Variants in NR5A2 observed in about 807,000 individuals in gnomAD.
NR5A2 encodes nuclear receptor subfamily 5 group A member 2.
NR5A2 carries 26 observed loss-of-function variants against 62.7 expected under a neutral mutation model. The observed-to-expected ratio is 0.41, with a 90% CI of 0.30 to 0.58. The LOEUF (loss-of-function observed/expected upper bound fraction) is 0.58. Among genes scored for constraint, NR5A2 ranks in the 20% least tolerant of loss-of-function variants. The pLI is 0.22. For synonymous variants in NR5A2, 246 were observed against 241.7 expected (o/e 1.02, Z -0.16); for missense variants, 541 against 669.1 (o/e 0.81, Z 2.11).
chr1:200,103,004 A>G (rs1665457755), intron 5 of NR5A2, among the ~76,000 whole-genome samples: 2 of 152,014 alleles, frequency 1.3e-5, no homozygotes, highest in African/African-American at 2.4e-5. Context: ...GCTGTGTGAC[A>G]TTTGGAAAGT....
chr1:200,045,842 T>A (rs1046455034), intron 4 of NR5A2, among the ~76,000 whole-genome samples: 3 of 152,082 alleles, frequency 2.0e-5, no homozygotes, highest in African/African-American at 7.2e-5. Context: ...GGGGAGCAGA[T>A]GCATTAGACA....
At chr1:200,133,466 AGTCAAGC>A (rs1342098957) in intron 7 of NR5A2, among the ~76,000 whole-genome samples, 1 of 150,194 alleles carries the variant, frequency 6.7e-6, no homozygotes. Flanking sequence ...TTGGTTATAC[AGTCAAGC>A]GTTATATAAT....
At chr1:200,060,386 A>G (rs1663147625) in intron 5 of NR5A2, among the ~76,000 whole-genome samples, 1 of 152,136 alleles carries the variant, frequency 6.6e-6, no homozygotes, top group South Asian at 2.1e-4. Context: ...GCAGTTAATG[A>G]TAATAGGATT....
At chr1:200,168,227 T>A (rs1654001058) in intron 7 of NR5A2, among the ~76,000 whole-genome samples, 1 of 151,076 alleles carries the variant, frequency 6.6e-6, no homozygotes, top group Non-Finnish European at 1.5e-5. Flanking sequence ...TTTTTTTTTT[T>A]AAGAGACAGG....
At chr1:200,143,890 T>G (rs1345920447) in intron 7 of NR5A2, among the ~76,000 whole-genome samples, 1 of 151,870 alleles carries the variant, frequency 6.6e-6, no homozygotes, top group African/African-American at 2.4e-5. Context: ...CCACCCACCT[T>G]GGCCTCCCAA....
In NR5A2 at chr1:200,157,271, A is replaced by G. The variant is rs185706176; in HGVS notation, c.1379-16692A>G. 2.7e-3 allele frequency among the ~76,000 whole-genome samples: 405 copies of G among 152,356 alleles called. 1 individual carries two copies. Among genetic ancestry groups the G allele is most frequent in the Non-Finnish European group, 4.4e-3 (296 of 68,030 alleles). On this transcript the variant is annotated intron_variant, in intron 7 of 7. Coordinates refer to ENST00000367362, the MANE Select transcript of NR5A2 (RefSeq NM_205860.3). ...GATTTAAAATCACTTCAATGCAAGT[A>G]TCAATAATTCTGCTAAATAATCAGG...
intron 6 of NR5A2, 104 bp from the exon 7 acceptor site, chr1:200,120,704 A>T (rs1268129599): frequency 5.0e-6 from 6 of 1,206,316 alleles, no homozygotes; most frequent in Non-Finnish European, 6.8e-6. Context: ...ATTCTATTTT[A>T]AAAACCTGTA....
intron 7 of NR5A2, among the ~76,000 whole-genome samples, chr1:200,162,256 A>T (rs1653677204): frequency 6.6e-6 from 1 of 152,216 alleles, no homozygotes; most frequent in Admixed American, 6.5e-5. Flanking sequence ...GGGCAAATAG[A>T]GTGTGCTGTA....
At chr1:200,105,542 C>G (rs1306130873) in intron 5 of NR5A2, among the ~76,000 whole-genome samples, 1 of 152,184 alleles carries the variant, frequency 6.6e-6, no homozygotes, top group Non-Finnish European at 1.5e-5. Flanking sequence ...CCTCAAGTTT[C>G]TAACACAAGA....
At chr1:200,068,452 G>C (rs924886958) in intron 5 of NR5A2, among the ~76,000 whole-genome samples, 18 of 151,962 alleles carry the variant, frequency 1.2e-4, no homozygotes, top group African/African-American at 4.3e-4. Flanking sequence ...CTAGTCATTT[G>C]GAAAAAAAAA....
chr1:200,090,781 G>C (rs566240597), intron 5 of NR5A2, among the ~76,000 whole-genome samples: 3 of 152,262 alleles, frequency 2.0e-5, no homozygotes, highest in African/African-American at 7.2e-5. Flanking sequence ...GGGCCAGTTT[G>C]AGGACAGCAC....
chr1:200,045,726 C>G lies in NR5A2; in HGVS notation c.463+142C>G, dbSNP rs540071203. Reference sequence around the variant, plus strand: ...AATACTGTAAGATCTTTCTATGTTTCATCTGCAGAATAGTCTGAGTCTCAT... The same window carrying G: ...AATACTGTAAGATCTTTCTATGTTTGATCTGCAGAATAGTCTGAGTCTCAT... On this transcript the variant is annotated intron_variant, in intron 4 of 7. Transcript: ENST00000367362. The G allele has an allele frequency of 6.6e-6, 4 of 610,646 alleles. No individual in the cohort carries two copies. The African/African-American group carries it at 7.7e-5, about 12-fold the overall frequency. The allele number at this position is 610,646 out of a possible 1,614,324, so 37.8% of individuals were successfully genotyped here.
chr1:200,036,759 C>T (rs541118128), intron 1 of NR5A2, among the ~76,000 whole-genome samples: 2 of 152,266 alleles, frequency 1.3e-5, no homozygotes, highest in African/African-American at 4.8e-5. Context: ...GGCTTCTGAG[C>T]TAGGAGTTCC....
At chr1:200,161,773 C>T (rs148641794) in intron 7 of NR5A2, among the ~76,000 whole-genome samples, 38 of 152,328 alleles carry the variant, frequency 2.5e-4, no homozygotes, top group African/African-American at 5.3e-4. Context: ...GGTATTGATA[C>T]ATAGAAAGTG....
intron 5 of NR5A2, among the ~76,000 whole-genome samples, chr1:200,107,192 AAG>A (rs1238930716): frequency 4.6e-5 from 7 of 151,530 alleles, no homozygotes; most frequent in Non-Finnish European, 1.0e-4. Flanking sequence ...CAAACAATGA[AAG>A]AGTTGTTTGC....
chr1:200,070,835 C>A (rs61819919), intron 5 of NR5A2, among the ~76,000 whole-genome samples: 1 of 151,142 alleles, frequency 6.6e-6, no homozygotes, highest in Non-Finnish European at 1.5e-5. Flanking sequence ...CAATGTGCCA[C>A]GCCTGTGTAT....
chr1:200,065,859 G>A (rs1449419852), intron 5 of NR5A2, among the ~76,000 whole-genome samples: 1 of 152,086 alleles, frequency 6.6e-6, no homozygotes, highest in Non-Finnish European at 1.5e-5. Flanking sequence ...CACAGGAATA[G>A]CATATGCAAA....
intron 7 of NR5A2, among the ~76,000 whole-genome samples, chr1:200,145,439 G>A (rs929772558): frequency 6.6e-6 from 1 of 150,884 alleles, no homozygotes; most frequent in African/African-American, 2.4e-5. Context: ...CTAGGCAAAT[G>A]TCAGAAACTG....
chr1:200,069,880 G>A (rs76793281), intron 5 of NR5A2, among the ~76,000 whole-genome samples: 4 of 38,860 alleles, frequency 1.0e-4, no homozygotes, highest in African/African-American at 4.5e-4. Flanking sequence ...AATATTACAC[G>A]TGTCCATGAA....
Sources: allele counts gnomAD v4.1 joint callset (sites outside exome capture counted in the v4.1 genomes callset), GRCh38; gene constraint gnomAD v4.1.1; transcripts MANE v1.5; gene names NCBI Gene and HGNC (gene_info 2026-07-23, HGNC 2026-07-21).